The following GRAMD1B variants were observed in gnomAD, a reference collection of about 807,000 sequenced individuals.
GRAMD1B encodes protein Aster-B.
GRAMD1B carries 37 observed loss-of-function variants against 99.7 expected under a neutral mutation model. That is an observed-to-expected ratio of 0.37 (90% CI 0.29 to 0.49). GRAMD1B has a LOEUF of 0.49. Ranked by LOEUF, GRAMD1B falls within the 20% of genes least tolerant of loss-of-function variation. GRAMD1B has a pLI of 0.98. For synonymous variants in GRAMD1B, 427 were observed against 387.6 expected (o/e 1.10, Z -1.19); for missense variants, 888 against 1,009.2 (o/e 0.88, Z 1.63).
At chr11:123,550,271 T>C (rs1290808) in intron 2 of GRAMD1B, among the ~76,000 whole-genome samples, 58,979 of 151,912 alleles carry the variant, frequency 0.39, 13,637 homozygotes, top group African/African-American at 0.65. Context: ...TCTCGAGACA[T>C]GTGGGCGTGA....
intron 1 of GRAMD1B, among the ~76,000 whole-genome samples, chr11:123,380,988 T>G (rs1490773854): frequency 6.6e-6 from 1 of 151,450 alleles, no homozygotes. Context: ...TTATTTTTCA[T>G]GTTTTTTTTC....
intron 1 of GRAMD1B, among the ~76,000 whole-genome samples, chr11:123,367,610 T>C (rs1209602502): frequency 6.6e-6 from 1 of 152,106 alleles, no homozygotes; most frequent in African/African-American, 2.4e-5. Context: ...AGAGAGGCAA[T>C]GAGGCCGGCG....
At chr11:123,581,608 C>G (rs895935810) in intron 3 of GRAMD1B, among the ~76,000 whole-genome samples, 18 of 152,342 alleles carry the variant, frequency 1.2e-4, no homozygotes, top group African/African-American at 4.3e-4. Flanking sequence ...TGTGGCCCCT[C>G]AGTGGCAGCA....
chr11:123,588,917 A>G (rs755286340), intron 4 of GRAMD1B, among the ~76,000 whole-genome samples: 34 of 152,192 alleles, frequency 2.2e-4, no homozygotes, highest in Non-Finnish European at 3.1e-4. Flanking sequence ...GCATATATAT[A>G]TAATGAGATA....
intron 7 of GRAMD1B, chr11:123,598,657 C>G: frequency 8.1e-7 from 1 of 1,235,498 alleles, no homozygotes; most frequent in South Asian, 1.2e-5. Flanking sequence ...GCTAAGAGAG[C>G]GGATTTCAAT....
At chr11:123,547,854 CAT>C (rs1009105844) in intron 2 of GRAMD1B, among the ~76,000 whole-genome samples, 4 of 152,188 alleles carry the variant, frequency 2.6e-5, no homozygotes, top group African/African-American at 9.7e-5. Flanking sequence ...ACAAGGCCCA[CAT>C]GTGTTAATTA....
chr11:123,614,970 C>T, intron 17 of GRAMD1B, 135 bp downstream of exon 17: 2 of 561,386 alleles, frequency 3.6e-6, no homozygotes, highest in South Asian at 2.7e-5. Context: ...CTAGTCTTCT[C>T]TGTCTGGATT....
intron 2 of GRAMD1B, among the ~76,000 whole-genome samples, chr11:123,549,670 C>G (rs1945422242): frequency 6.6e-6 from 1 of 152,182 alleles, no homozygotes; most frequent in Non-Finnish European, 1.5e-5. Context: ...TGAGCTACAT[C>G]CATGGTCACG....
chr11:123,522,926 A>G (rs1167464533), intron 2 of GRAMD1B, among the ~76,000 whole-genome samples: 1 of 152,138 alleles, frequency 6.6e-6, no homozygotes, highest in Non-Finnish European at 1.5e-5. Context: ...AGAGAAGGAG[A>G]TTTTTTATAA....
At chr11:123,581,923 T>C (rs544093114) in intron 3 of GRAMD1B, among the ~76,000 whole-genome samples, 1 of 152,344 alleles carries the variant, frequency 6.6e-6, no homozygotes, top group Non-Finnish European at 1.5e-5. Context: ...GGGAGCCCCG[T>C]GCAGGAGGAG....
chr11:123,388,897 T>G (rs1947171329), intron 1 of GRAMD1B, among the ~76,000 whole-genome samples: 1 of 152,174 alleles, frequency 6.6e-6, no homozygotes, highest in Non-Finnish European at 1.5e-5. Flanking sequence ...CTATCCAGGT[T>G]CATGTGTTTT....
At chr11:123,436,339 A>G (rs1210170162) in intron 1 of GRAMD1B, among the ~76,000 whole-genome samples, 1 of 152,214 alleles carries the variant, frequency 6.6e-6, no homozygotes, top group Non-Finnish European at 1.5e-5. Context: ...TTGAAGGGTT[A>G]ACAAATGCCT....
intron 2 of GRAMD1B, among the ~76,000 whole-genome samples, chr11:123,551,240 C>T (rs1022374820): frequency 3.3e-5 from 5 of 152,158 alleles, no homozygotes; most frequent in Non-Finnish European, 5.9e-5. Flanking sequence ...CAGGGAGGGG[C>T]GTTTTTTTGG....
chr11:123,582,715 T>C (rs374382942), intron 3 of GRAMD1B, among the ~76,000 whole-genome samples: 8 of 152,252 alleles, frequency 5.3e-5, no homozygotes, highest in Middle Eastern at 6.8e-3. Flanking sequence ...TCAGGTGGAA[T>C]GGGGGAGATA....
chr11:123,424,605 G>C (rs7925235), intron 1 of GRAMD1B, among the ~76,000 whole-genome samples: 10,197 of 152,258 alleles, frequency 0.067, 487 homozygotes, highest in South Asian at 0.16. Flanking sequence ...CTCTTTGTGA[G>C]TTTTCACTCC....
At chr11:123,452,539 G>A (rs1208724515) in intron 1 of GRAMD1B, among the ~76,000 whole-genome samples, 3 of 152,074 alleles carry the variant, frequency 2.0e-5, no homozygotes, top group East Asian at 3.9e-4. Context: ...TCAGCTACTC[G>A]GGAGTCTGAG....
chr11:123,543,947 G>A (rs563479099), intron 2 of GRAMD1B, among the ~76,000 whole-genome samples: 4 of 152,222 alleles, frequency 2.6e-5, no homozygotes, highest in African/African-American at 7.2e-5. Context: ...TTTACTGTCC[G>A]GCCCTTTGCA....
At chr11:123,525,358 G>A (rs1296144222) in intron 2 of GRAMD1B, among the ~76,000 whole-genome samples, 1 of 152,110 alleles carries the variant, frequency 6.6e-6, no homozygotes, top group Non-Finnish European at 1.5e-5. Flanking sequence ...CACTCACCAC[G>A]GGGCCTCTGA....
chr11:123,617,342 CCTGA>C (rs1318548406), intron 17 of GRAMD1B, among the ~76,000 whole-genome samples: 60 of 152,068 alleles, frequency 3.9e-4, no homozygotes, highest in African/African-American at 1.3e-3. Flanking sequence ...TGTCACCACA[CCTGA>C]CTAATTTTTA....
Sources: gnomAD v4.1 joint callset for allele counts (sites outside exome capture counted in the v4.1 genomes callset) on GRCh38, gnomAD v4.1.1 for gene constraint, MANE v1.5 for transcripts, NCBI Gene and HGNC (gene_info 2026-07-23, HGNC 2026-07-21) for gene names.